CACNG2: variants seen among roughly 807,000 people sequenced by gnomAD.
CACNG2 encodes calcium voltage-gated channel auxiliary subunit gamma 2, also known as voltage-dependent calcium channel gamma-2 subunit.
Under a neutral mutation model 25.9 loss-of-function variants are expected in CACNG2, and 3 were observed. The observed-to-expected ratio is 0.12, with a 90% CI of 0.05 to 0.30. CACNG2 has a LOEUF of 0.30. CACNG2 is among the 10% of genes least tolerant of loss of function. CACNG2 has a pLI of 1.00. For synonymous variants in CACNG2, 167 were observed against 173.3 expected, an observed-to-expected ratio of 0.96 and a Z score of 0.29; for missense variants, 341 against 432.5, an observed-to-expected ratio of 0.79 and a Z score of 1.88.
rs1426123331 is a variant in CACNG2 at position 36,561,472 on chromosome 22, C to G, written c.*2879G>C. 3 of 152,354 alleles carry G rather than the reference C, an allele frequency of 2.0e-5. No homozygotes were observed. The highest frequency in any genetic ancestry group is 4.8e-5 in the African/African-American group (2 of 41,450). 9.4% of individuals were successfully genotyped at this position (152,354 alleles called of 1,614,324 possible). ...TCTGCCCCAGGGCCCATGACCTCCCCCTGTACTTCTGGGCTGGGCTGGCCG... is the reference window on the plus strand; with the variant it reads ...TCTGCCCCAGGGCCCATGACCTCCCGCTGTACTTCTGGGCTGGGCTGGCCG... On this transcript the variant is annotated 3_prime_UTR_variant, in exon 4 of 4. Coordinates refer to ENST00000300105, the MANE Select transcript of CACNG2 (RefSeq NM_006078.5).
chr22:36,629,273 C>T (rs780316713), intron 1 of CACNG2, among the ~76,000 whole-genome samples: 2 of 152,036 alleles, frequency 1.3e-5, no homozygotes, highest in Non-Finnish European at 2.9e-5. Flanking sequence ...GTTCATTCAC[C>T]GTTCATTCAT....
chr22:36,664,851 A>C (rs1936852212), intron 1 of CACNG2, among the ~76,000 whole-genome samples: 2 of 152,194 alleles, frequency 1.3e-5, no homozygotes, highest in South Asian at 4.1e-4. Context: ...GGAGAAAAGC[A>C]TGTGTTTTAG....
At chr22:36,663,897 G>A (rs1267302170) in intron 1 of CACNG2, among the ~76,000 whole-genome samples, 3 of 152,242 alleles carry the variant, frequency 2.0e-5, no homozygotes, top group Non-Finnish European at 2.9e-5. Flanking sequence ...ATGCCCTGAA[G>A]AGGCTCGGAA....
intron 2 of CACNG2, among the ~76,000 whole-genome samples, chr22:36,574,700 T>G (rs1454779386): frequency 1.3e-5 from 2 of 152,190 alleles, no homozygotes; most frequent in Non-Finnish European, 2.9e-5. Context: ...GAGAATTGCT[T>G]GAACCTGGGA....
At chr22:36,604,991 T>A (rs1257088891) in intron 1 of CACNG2, among the ~76,000 whole-genome samples, 1 of 152,104 alleles carries the variant, frequency 6.6e-6, no homozygotes, top group Non-Finnish European at 1.5e-5. Flanking sequence ...TCCAGACTGG[T>A]CTCAAACTCC....
intron 1 of CACNG2, among the ~76,000 whole-genome samples, chr22:36,667,900 C>T (rs1016778474): frequency 1.3e-5 from 2 of 152,150 alleles, no homozygotes; most frequent in Non-Finnish European, 2.9e-5. Flanking sequence ...AACAGTTCAT[C>T]CACGCTGTTA....
chr22:36,574,154 A>G (rs961513254), intron 2 of CACNG2, among the ~76,000 whole-genome samples: 34 of 152,236 alleles, frequency 2.2e-4, no homozygotes, highest in African/African-American at 7.5e-4. Context: ...TAAAGGGCTT[A>G]GAACAGGCAG....
chr22:36,603,623 A>G (rs1003132559), intron 1 of CACNG2, among the ~76,000 whole-genome samples: 1 of 152,222 alleles, frequency 6.6e-6, no homozygotes, highest in Non-Finnish European at 1.5e-5. Flanking sequence ...GCCAAGGTTC[A>G]TTTACCATTC....
intron 1 of CACNG2, among the ~76,000 whole-genome samples, chr22:36,616,178 C>A (rs970240425): frequency 6.6e-6 from 1 of 152,122 alleles, no homozygotes; most frequent in Non-Finnish European, 1.5e-5. Context: ...AAAGAATAAT[C>A]CTCCTAGTGT....
intron 1 of CACNG2, among the ~76,000 whole-genome samples, chr22:36,635,434 G>GA (rs1288081773): frequency 1.3e-5 from 2 of 152,056 alleles, no homozygotes; most frequent in African/African-American, 2.4e-5. Flanking sequence ...CTAGAATATG[G>GA]AAAAAAGCTA....
In CACNG2 at chr22:36,573,137, T is replaced by C. The variant is rs574006443; in HGVS notation, c.296-6644A>G. On this transcript the variant is annotated intron_variant, in intron 2 of 3. Transcript: ENST00000300105. Reference sequence around the variant, plus strand: ...AGCTTAGAGTATGCCGAGGACTGTTTTGAGCACTGCACATACACAAACTCG... The same window carrying C: ...AGCTTAGAGTATGCCGAGGACTGTTCTGAGCACTGCACATACACAAACTCG... Among the ~76,000 whole-genome samples the C allele has an allele frequency of 2.6e-5, 4 of 152,320 alleles. No homozygotes were observed. The East Asian group carries it at 7.7e-4, about 29-fold the overall frequency.
chr22:36,684,908 G>T (rs1275637624), intron 1 of CACNG2, among the ~76,000 whole-genome samples: 3 of 152,168 alleles, frequency 2.0e-5, no homozygotes, highest in Non-Finnish European at 4.4e-5. Context: ...GGCTCTTTCT[G>T]CTGGATCGCG....
At position 36,606,009 on chromosome 22, in the gene CACNG2, T is replaced by A. The variant is rs1207534931; in HGVS notation, c.212-18461A>T. 3.3e-5 allele frequency among the ~76,000 whole-genome samples: 5 copies of A among 152,208 alleles called. No individual in the cohort carries two copies. In the South Asian group the frequency reaches 8.3e-4, roughly 25 times the overall value. Reference sequence around the variant, plus strand: ...AGCCCTGTGGTGTGGTGGCTGTGCCTCTCGCAGGAGAGCGTGGGTCTGAGT... The same window carrying A: ...AGCCCTGTGGTGTGGTGGCTGTGCCACTCGCAGGAGAGCGTGGGTCTGAGT... On this transcript the variant is annotated intron_variant, in intron 1 of 3. Coordinates refer to ENST00000300105, the MANE Select transcript of CACNG2 (RefSeq NM_006078.5). This position sits in a 1 kb window ranked among gnomAD's most constrained non-coding sequence, Gnocchi z 5.7.
At chr22:36,596,875 A>C (rs1481029692) in intron 1 of CACNG2, among the ~76,000 whole-genome samples, 1 of 151,860 alleles carries the variant, frequency 6.6e-6, no homozygotes, top group East Asian at 1.9e-4. Flanking sequence ...CTCCCACCTC[A>C]GCCTCCCGGG....
chr22:36,616,182 C>T (rs973540860), intron 1 of CACNG2, among the ~76,000 whole-genome samples: 5 of 152,138 alleles, frequency 3.3e-5, no homozygotes, highest in African/African-American at 9.7e-5. Flanking sequence ...AATAATCCTC[C>T]TAGTGTTGTG....
At chr22:36,633,222 A>G (rs1313393475) in intron 1 of CACNG2, among the ~76,000 whole-genome samples, 1 of 152,012 alleles carries the variant, frequency 6.6e-6, no homozygotes, top group Non-Finnish European at 1.5e-5. Context: ...TTGTGCATCC[A>G]CTCTTTCCCC....
chr22:36,638,142 A>G (rs181371901), intron 1 of CACNG2, among the ~76,000 whole-genome samples: 6 of 152,218 alleles, frequency 3.9e-5, no homozygotes, highest in Admixed American at 1.3e-4. Context: ...TCCTGCTTCC[A>G]AAGGGATCTC....
At chr22:36,611,773 C>T (rs1048894147) in intron 1 of CACNG2, among the ~76,000 whole-genome samples, 3 of 152,016 alleles carry the variant, frequency 2.0e-5, no homozygotes, top group South Asian at 2.1e-4. Context: ...TGGTCAGGAC[C>T]GAGGCCTCAG....
At chr22:36,654,400 AT>A (rs11326369) in intron 1 of CACNG2, among the ~76,000 whole-genome samples, 15,799 of 147,934 alleles carry the variant, frequency 0.11, 2,665 homozygotes, top group African/African-American at 0.36. Context: ...TAATTTATTA[AT>A]TTTTTTTTTT....
Sources: gnomAD v4.1 joint callset for allele counts (sites outside exome capture counted in the v4.1 genomes callset) on GRCh38, gnomAD v4.1.1 for gene constraint, Gnocchi (gnomAD v3.1) non-coding constraint, MANE v1.5 for transcripts, NCBI Gene and HGNC (gene_info 2026-07-23, HGNC 2026-07-21) for gene names.